Variants in SLC4A4 observed in about 807,000 individuals in gnomAD.
SLC4A4 encodes the protein solute carrier family 4 member 4, also known as electrogenic sodium bicarbonate cotransporter 1.
In SLC4A4, 27 loss-of-function variants were observed where a neutral mutation model predicts 111.5. The observed-to-expected ratio is 0.24, with a 90% CI of 0.18 to 0.33. The LOEUF is 0.33. Ranked by LOEUF, SLC4A4 falls within the 10% of genes least tolerant of loss-of-function variation. The pLI is 1.00. For missense variants in SLC4A4, 909 were observed against 1,315.5 expected (o/e 0.69, Z 4.78); for synonymous variants, 443 against 463.4 (o/e 0.96, Z 0.57).
At position 71,111,327 on chromosome 4, in the gene SLC4A4, T is replaced by C. The variant is rs866938607; in HGVS notation, c.-2+18535T>C. The stretch of plus-strand genomic sequence containing the variant: ...AAAAGCCAGATGTAAGGGTATCAGA[T>C]GACTGCTAAGTTGCATGTTCTTGTT... On this transcript the variant is annotated intron_variant, in intron 2 of 26. Coordinates refer to the SLC4A4 transcript ENST00000649996. Among the ~76,000 whole-genome samples, 5 of 152,124 alleles carry C rather than the reference T, an allele frequency of 3.3e-5. No individual in the cohort carries two copies. In the South Asian group the frequency reaches 6.2e-4, roughly 19 times the overall value.
At chr4:71,290,615 C>T (rs1282448326) in intron 3 of SLC4A4, among the ~76,000 whole-genome samples, 3 of 152,076 alleles carry the variant, frequency 2.0e-5, no homozygotes, top group Admixed American at 2.0e-4. Context: ...TAAATAAATC[C>T]CTTCTGTAAT....
intron 16 of SLC4A4, among the ~76,000 whole-genome samples, chr4:71,509,370 A>G (rs1463641535): frequency 2.0e-5 from 3 of 151,366 alleles, no homozygotes; most frequent in African/African-American, 4.9e-5. Context: ...TGAAATAGTC[A>G]TTTTTTAAAA....
intron 3 of SLC4A4, chr4:71,300,736 A>G: frequency 2.4e-5 from 9 of 373,528 alleles, no homozygotes; most frequent in Non-Finnish European, 3.8e-5. Context: ...GGGCCTGGGA[A>G]GGGTGTTTCG....
intron 2 of SLC4A4, among the ~76,000 whole-genome samples, chr4:71,177,334 A>G (rs1342491463): frequency 2.0e-5 from 3 of 152,190 alleles, no homozygotes; most frequent in Admixed American, 6.5e-5. Context: ...AACAATATTA[A>G]CCTTAAATGT....
intron 12 of SLC4A4, among the ~76,000 whole-genome samples, chr4:71,454,963 T>G (rs1345922480): frequency 6.6e-6 from 1 of 152,082 alleles, no homozygotes; most frequent in African/African-American, 2.4e-5. Context: ...GTCCAGAATA[T>G]TTGGGGTCTG....
At chr4:71,203,363 A>C (rs949052519) in intron 1 of SLC4A4, among the ~76,000 whole-genome samples, 2 of 152,198 alleles carry the variant, frequency 1.3e-5, no homozygotes, top group Non-Finnish European at 2.9e-5. Context: ...ATGATCTTTC[A>C]CTGCGTAAGA....
chr4:71,568,064 C>T lies in SLC4A4; in HGVS notation c.*313C>T, dbSNP rs757021397. On this transcript the variant is annotated 3_prime_UTR_variant, in exon 26 of 26. Transcript: ENST00000264485. Reference sequence around the variant, plus strand: ...AGACACAATCAAGACAATAGTGCACCGTTCCTTAAAAACAGCATCTGAGGA... The same window carrying T: ...AGACACAATCAAGACAATAGTGCACTGTTCCTTAAAAACAGCATCTGAGGA... The T allele has an allele frequency of 4.2e-5, 22 of 525,424 alleles. No individual in the cohort carries two copies. The highest frequency in any genetic ancestry group is 7.1e-5 in the Non-Finnish European group (21 of 294,710). 32.5% of individuals were successfully genotyped at this position (525,424 alleles called of 1,614,324 possible). A position where few individuals can be genotyped will look rare whatever the true frequency, so the allele number is the denominator to read the frequency against.
At chr4:71,443,116 C>CTCTCTCTCTCTCTCTA (rs1198759861) in intron 8 of SLC4A4, among the ~76,000 whole-genome samples, 3 of 65,654 alleles carry the variant, frequency 4.6e-5, no homozygotes, top group Admixed American at 1.7e-4. Context: ...CTCTCTCTCT[C>CTCTCTCTCTCTCTCTA]TATATATATA....
intron 16 of SLC4A4, among the ~76,000 whole-genome samples, chr4:71,500,113 A>C (rs1730776051): frequency 6.6e-6 from 1 of 152,180 alleles, no homozygotes; most frequent in Admixed American, 6.6e-5. Flanking sequence ...TTTGATAATA[A>C]CCATCCCAAC....
intron 3 of SLC4A4, among the ~76,000 whole-genome samples, chr4:71,324,650 A>G (rs1161177766): frequency 6.6e-6 from 1 of 152,064 alleles, no homozygotes; most frequent in Middle Eastern, 3.2e-3. Flanking sequence ...TACACAGAAT[A>G]AGTTATAGAA....
In SLC4A4 at chr4:71,132,446, C is replaced by T. The variant is rs116159080; in HGVS notation, c.-2+39654C>T. On this transcript the variant is annotated intron_variant, in intron 2 of 26. Transcript: ENST00000649996. ...TAGAAGTGGCATCCTGCAGCTGAGGCTGCTGTTGGTTTTAGCAGTTACAGC... is the reference window on the plus strand; with the variant it reads ...TAGAAGTGGCATCCTGCAGCTGAGGTTGCTGTTGGTTTTAGCAGTTACAGC... 5.4e-3 allele frequency among the ~76,000 whole-genome samples: 817 copies of T among 152,308 alleles called. 6 individuals are homozygous for T. The highest frequency in any genetic ancestry group is 0.018 in the African/African-American group (757 of 41,554).
At chr4:71,468,230 A>T (rs1215489051) in intron 13 of SLC4A4, among the ~76,000 whole-genome samples, 4 of 152,082 alleles carry the variant, frequency 2.6e-5, no homozygotes, top group Non-Finnish European at 5.9e-5. Flanking sequence ...AGAGTCAAAC[A>T]GTTTTTATAT....
intron 2 of SLC4A4, among the ~76,000 whole-genome samples, chr4:71,133,828 C>A (rs1400035067): frequency 6.6e-6 from 1 of 152,178 alleles, no homozygotes; most frequent in Non-Finnish European, 1.5e-5. Flanking sequence ...GTCTTAGGGA[C>A]CTGCCCTACT....
At chr4:71,121,881 G>A (rs1287223002) in intron 2 of SLC4A4, among the ~76,000 whole-genome samples, 1 of 152,124 alleles carries the variant, frequency 6.6e-6, no homozygotes, top group African/African-American at 2.4e-5. Flanking sequence ...CACAACGAAT[G>A]TCTGCAGGTT....
chr4:71,247,656 C>T (rs1298021281), intron 2 of SLC4A4, among the ~76,000 whole-genome samples: 2 of 152,138 alleles, frequency 1.3e-5, no homozygotes, highest in Non-Finnish European at 2.9e-5. Flanking sequence ...CCCTACTTCC[C>T]ATTCAGTTGT....
intron 1 of SLC4A4, among the ~76,000 whole-genome samples, chr4:71,072,003 A>G (rs1318563615): frequency 6.6e-6 from 1 of 152,182 alleles, no homozygotes; most frequent in African/African-American, 2.4e-5. Flanking sequence ...TTTTACTTCT[A>G]CCAGCAAAGC....
chr4:71,095,133 G>A (rs1279194400), intron 2 of SLC4A4, among the ~76,000 whole-genome samples: 1 of 152,172 alleles, frequency 6.6e-6, no homozygotes, highest in East Asian at 1.9e-4. Context: ...GTAAGCATTT[G>A]GGATTTGGAA....
chr4:71,155,760 G>A (rs774002072), intron 2 of SLC4A4, among the ~76,000 whole-genome samples: 1 of 152,064 alleles, frequency 6.6e-6, no homozygotes, highest in Admixed American at 6.5e-5. Flanking sequence ...CACTGCACCT[G>A]GTGAAAGTTT....
intron 21 of SLC4A4, 31 bp from the exon 22 acceptor site, chr4:71,557,681 C>G (rs1321618316): frequency 6.2e-7 from 1 of 1,604,266 alleles, no homozygotes; most frequent in African/African-American, 1.3e-5. Flanking sequence ...TGCAGTAATG[C>G]AGTTGGACTC....
Sources: allele counts gnomAD v4.1 joint callset (sites outside exome capture counted in the v4.1 genomes callset), GRCh38; gene constraint gnomAD v4.1.1; transcripts MANE v1.5; gene names NCBI Gene and HGNC (gene_info 2026-07-23, HGNC 2026-07-21).